The following PAN2 variants were observed in gnomAD, a reference collection of about 807,000 sequenced individuals.
PAN2 encodes poly(A) specific ribonuclease subunit PAN2.
In PAN2, 68 loss-of-function variants were observed where a neutral mutation model predicts 133.3. The observed-to-expected ratio is 0.51, with a 90% CI of 0.42 to 0.62. PAN2 has a LOEUF of 0.62. Ranked by LOEUF, PAN2 falls within the 20% of genes least tolerant of loss-of-function variation. The pLI is 0.00. For missense variants in PAN2, 1,042 were observed against 1,500.5 expected (o/e 0.69, Z 5.05); for synonymous variants, 462 against 544.6 (o/e 0.85, Z 2.11).
intron 1 of PAN2, chr12:56,333,512 G>A: frequency 5.5e-6 from 1 of 182,354 alleles, no homozygotes; most frequent in Non-Finnish European, 1.2e-5. Flanking sequence ...ATCATCAGGT[G>A]AAGGGAGCGA....
At chr12:56,322,837 T>G (rs1874708176) in intron 17 of PAN2, 79 bp from the exon 18 acceptor site, 1 of 1,445,776 alleles carries the variant, frequency 6.9e-7, no homozygotes, top group African/African-American at 1.4e-5. Context: ...GGACAGGGAG[T>G]TGGGGGTATG....
intron 2 of PAN2, chr12:56,332,603 A>G: frequency 1.4e-4 from 42 of 302,088 alleles, no homozygotes; most frequent in South Asian, 1.1e-3. Flanking sequence ...CTGTCTCGAA[A>G]AAAAAAAAAA....
At chr12:56,328,187 C>T in intron 4 of PAN2, 51 bp downstream of exon 4, 1 of 1,593,258 alleles carries the variant, frequency 6.3e-7, no homozygotes, top group East Asian at 2.2e-5. Context: ...ATACCCTGCC[C>T]CCGCAACAAC....
Position 56,318,240 on chromosome 12 carries a change from T to C in PAN2, c.3559A>G (p.Lys1187Glu). Residue 1187 changes from lysine to glutamate, a missense_variant, in exon 25 of 26, where the codon AAG becomes GAG. Physicochemically the swap from Lys to Glu is moderately conservative, Grantham distance 56. This residue lies in a region of PAN2 where 85 missense variants were observed against 116.5 expected (regional missense o/e 0.73). Transcript: ENST00000440411. ...CTTGTCCCATCCCAGGTCTTACTCT[T>C]GGGACTTGTTTGGCCCTCAGGCTCA... The part of the protein sequence containing the change: ...VPEPEGQTSP[K>E]NAAVFSSVLA... 1 of 1,613,598 alleles carries C rather than the reference T, an allele frequency of 6.2e-7. No individual in the cohort carries two copies. Among genetic ancestry groups the C allele is most frequent in the Non-Finnish European group, 8.5e-7 (1 of 1,179,482 alleles).
intron 19 of PAN2, 120 bp downstream of exon 19, chr12:56,322,302 TA>T (rs1874644749): frequency 9.3e-6 from 10 of 1,076,648 alleles, no homozygotes; most frequent in South Asian, 9.3e-5. Flanking sequence ...TAATGGTTTT[TA>T]TTCCTGAGGA....
Position 56,328,527 on chromosome 12 carries a change from T to C in PAN2, c.397A>G (p.Thr133Ala), listed in dbSNP as rs536734076. 2.5e-6 allele frequency: 4 copies of C among 1,614,226 alleles called. No individual in the cohort carries two copies. The East Asian group carries it at 8.9e-5, about 36-fold the overall frequency. ...GCCATATACTTGAGGTTGTTCTTGGTGAGAAAAAGGATACCATTCTCCAGG... is the reference window on the plus strand; with the variant it reads ...GCCATATACTTGAGGTTGTTCTTGGCGAGAAAAAGGATACCATTCTCCAGG... ...QSLENGILFLTKNNLKYMARG... is the reference protein window; with the variant it reads ...QSLENGILFLAKNNLKYMARG... The change falls in exon 3 of 26, where the codon ACC (threonine) becomes GCC (alanine). Residue 133 changes from threonine (T) to alanine (A), a missense_variant. By Grantham distance (58) the Thr-to-Ala change is moderately conservative (BLOSUM62 0). Coordinates refer to ENST00000440411, the MANE Select transcript of PAN2 (RefSeq NM_014871.6).
rs777128537 is a variant in PAN2 at position 56,328,604 on chromosome 12, C to T, written c.320G>A (p.Arg107His). Residue 107 changes from arginine to histidine, a missense_variant, in exon 3 of 26, where the codon CGC becomes CAC. By Grantham distance (29) the Arg-to-His change is conservative. Around this residue, in one of 3 missense-constraint regions of PAN2, gnomAD observed 908 missense variants for 1,223.5 expected, o/e 0.74. Transcript: ENST00000440411. ...ATSFFGPALE[R>H]YSSFQVNGSD... is the part of the protein sequence containing the mutation. ...GCCATTGACTTGAAAGGATGAGTAG[C>T]GCTCCAAGGCTGGGCCAAAAAATGA... 11 of 1,614,154 alleles carry T rather than the reference C, an allele frequency of 6.8e-6. No homozygotes were observed. The highest frequency in any genetic ancestry group is 9.3e-6 in the Non-Finnish European group (11 of 1,180,014).
Position 56,326,771 on chromosome 12 carries a change from G to T in PAN2, c.1108C>A (p.Arg370Ser). The change falls in exon 7 of 26, where the codon CGT (arginine) becomes AGT (serine). Residue 370 changes from arginine to serine, a missense_variant. By Grantham distance (110) the Arg-to-Ser change is moderately radical. Transcript: ENST00000440411. The stretch of plus-strand genomic sequence containing the variant: ...CACGGCAAAGCAAACTCAGTCTCAC[G>T]GGAGTAGGGGTTGAAGGAAGGCTCC... ...SPEPSFNPYS[R>S]ETEFALPCLV... is the part of the protein sequence containing the mutation. 6 of 1,614,232 alleles carry T rather than the reference G, an allele frequency of 3.7e-6. No homozygotes were observed. The highest frequency in any genetic ancestry group is 5.1e-6 in the Non-Finnish European group (6 of 1,180,050).
rs766524798 is a variant in PAN2 at position 56,319,195 on chromosome 12, AAG to A, written c.3271-16_3271-15del. ...GTCCTTGGGCACCTGGCAAGGATAA[AAG>A]AGGGGGAGACTTAAGGTAGGGGACC... is the stretch of plus-strand genomic sequence containing the variant. On this transcript the variant is annotated splice_polypyrimidine_tract_variant and intron_variant, in intron 23 of 25. Coordinates refer to ENST00000440411, the MANE Select transcript of PAN2 (RefSeq NM_014871.6). This position sits in a 1 kb window ranked among gnomAD's most constrained non-coding sequence, Gnocchi z 5.4. 14 of 1,613,970 alleles carry A rather than the reference AAG, an allele frequency of 8.7e-6. No homozygotes were observed. The highest frequency in any genetic ancestry group is 2.7e-5 in the African/African-American group (2 of 74,888).
In PAN2 at chr12:56,325,472, A is replaced by C. The variant is rs776016393; in HGVS notation, c.1360-18T>G. The C allele has an allele frequency of 3.1e-6, 5 of 1,612,994 alleles. No homozygotes were observed. The African/African-American group carries it at 4.0e-5, about 13-fold the overall frequency. On this transcript the variant is annotated intron_variant, in intron 8 of 25. Transcript: ENST00000440411. ...TAGGGTATCTAGGGATTTTAGGAAG[A>C]GGTAACCTTGTTGGATGTCTTGTCA...
Position 56,317,359 on chromosome 12 carries a change from G to C in PAN2, c.*250C>G. ...AAGAATACCAATTACTTTCCATCTGGGTCAATTCTAGACTCCATGTCTGTA... is the reference window on the plus strand; with the variant it reads ...AAGAATACCAATTACTTTCCATCTGCGTCAATTCTAGACTCCATGTCTGTA... On this transcript the variant is annotated 3_prime_UTR_variant, in exon 26 of 26. Coordinates refer to ENST00000440411, the MANE Select transcript of PAN2 (RefSeq NM_014871.6). 1 of 526,212 alleles carries C rather than the reference G, an allele frequency of 1.9e-6. No individual in the cohort carries two copies. The highest frequency in any genetic ancestry group is 3.4e-6 in the Non-Finnish European group (1 of 293,936). 32.6% of individuals were successfully genotyped at this position (526,212 alleles called of 1,614,324 possible).
intron 2 of PAN2, among the ~76,000 whole-genome samples, chr12:56,330,839 C>T (rs951011851): frequency 2.6e-5 from 4 of 152,022 alleles, no homozygotes; most frequent in African/African-American, 9.7e-5. Context: ...TGCCCTGTCA[C>T]CCAGGCAGGA....
intron 2 of PAN2, among the ~76,000 whole-genome samples, chr12:56,329,989 T>A (rs1210109197): frequency 6.8e-6 from 1 of 147,268 alleles, no homozygotes; most frequent in Admixed American, 6.8e-5. Context: ...AAGGTTCAAG[T>A]CCAAGGTCCA....
chr12:56,324,401 G>A lies in PAN2; in HGVS notation c.1821C>T (p.Gly607=), dbSNP rs1332414775. 6.2e-7 allele frequency: 1 copy of A among 1,614,132 alleles called. No individual in the cohort carries two copies. Among genetic ancestry groups the A allele is most frequent in the Admixed American group, 1.7e-5 (1 of 60,028 alleles). ...LADSDEASGK[G]NLARLIQRWN... ...ACCTCTGAATGAGCCTGGCCAGATT[G>A]CCCTTGCCTGAGGCCTCATCTGAGT... Residue 607 remains glycine (G), a synonymous_variant, in exon 12 of 26, where the codon GGC becomes GGT. Coordinates refer to ENST00000440411, the MANE Select transcript of PAN2 (RefSeq NM_014871.6).
In PAN2 at chr12:56,322,764, AG is replaced by A. The variant is rs1258402897; in HGVS notation, c.2494-7del. The A allele has an allele frequency of 4.0e-6, 6 of 1,504,660 alleles. No homozygotes were observed. The highest frequency in any genetic ancestry group is 1.8e-5 in the Admixed American group (1 of 55,110). 93.2% of individuals were successfully genotyped at this position (1,504,660 alleles called of 1,614,324 possible). ...TCTGCCCTGGCTGGGCCCCACTGTGAGGGGGGTACCCAGGCTGCTAAGCTAA... is the reference window on the plus strand; with the variant it reads ...TCTGCCCTGGCTGGGCCCCACTGTGAGGGGGTACCCAGGCTGCTAAGCTAA... On this transcript the variant is annotated splice_polypyrimidine_tract_variant and splice_region_variant and intron_variant, in intron 17 of 25. Coordinates refer to ENST00000440411, the MANE Select transcript of PAN2 (RefSeq NM_014871.6).
At position 56,319,073 on chromosome 12, in the gene PAN2, G is replaced by C; in HGVS notation, c.3364+15C>G. The C allele has an allele frequency of 3.1e-6, 5 of 1,613,234 alleles. No homozygotes were observed. Among genetic ancestry groups the C allele is most frequent in the Non-Finnish European group, 4.2e-6 (5 of 1,179,254 alleles). On this transcript the variant is annotated intron_variant, in intron 24 of 25. Transcript: ENST00000440411. The surrounding 1 kb of genome is among the most constrained non-coding windows in gnomAD (Gnocchi z 5.4). ...CTATTAATGTAGCAGGGGCCTACAA[G>C]GCAGAGCAACTCACCCAGAAAGTAC...
intron 2 of PAN2, among the ~76,000 whole-genome samples, chr12:56,328,934 T>C (rs1199950287): frequency 6.6e-6 from 1 of 152,218 alleles, no homozygotes; most frequent in Non-Finnish European, 1.5e-5. Context: ...GAACAGTATA[T>C]AGAAGGTCAG....
At position 56,323,903 on chromosome 12, in the gene PAN2, C is replaced by A; in HGVS notation, c.2076G>T (p.Gly692=). 6.2e-7 allele frequency: 1 copy of A among 1,613,868 alleles called. No homozygotes were observed. Among genetic ancestry groups the A allele is most frequent in the African/African-American group, 1.3e-5 (1 of 75,062 alleles). ...GCACCTGAGCAAAGTCATAGTTCTT[C>A]CCAGTTTTATCTGAGGGAAAATTAG... is the stretch of plus-strand genomic sequence containing the variant. ...FTLSYPDDKT[G]KNYDFAQVLK... is the part of the protein sequence containing the mutation. The change falls in exon 14 of 26, where the codon GGG becomes GGT. Residue 692 remains glycine (G), a synonymous_variant. Coordinates refer to ENST00000440411, the MANE Select transcript of PAN2 (RefSeq NM_014871.6).
chr12:56,329,056 C>T (rs1037019334), intron 2 of PAN2, among the ~76,000 whole-genome samples: 2 of 152,140 alleles, frequency 1.3e-5, no homozygotes, highest in Non-Finnish European at 2.9e-5. Flanking sequence ...CGGATTTAGG[C>T]ATCCTTGAAT....
Sources: gnomAD v4.1 joint callset for allele counts (sites outside exome capture counted in the v4.1 genomes callset) on GRCh38, gnomAD v4.1.1 for gene constraint, gnomAD v4.1.1 regional missense constraint, Gnocchi (gnomAD v3.1) non-coding constraint, MANE v1.5 for transcripts, NCBI Gene and HGNC (gene_info 2026-07-23, HGNC 2026-07-21) for gene names.